The following TMEM82 variants were observed in gnomAD, a reference collection of about 807,000 sequenced individuals.
The protein encoded by TMEM82 is transmembrane protein 82.
TMEM82 carries 30 observed loss-of-function variants against 29.2 expected under a neutral mutation model. The ratio of observed to expected loss-of-function variants is 1.03; its 90% CI spans 0.77 to 1.39. TMEM82 has a LOEUF of 1.39. Among genes scored for constraint, TMEM82 ranks in the 40% most tolerant of loss-of-function variants. The pLI is 0.00. For missense variants in TMEM82, 442 were observed against 447.7 expected, an observed-to-expected ratio of 0.99 and a Z score of 0.12; for synonymous variants, 221 against 225.4, an observed-to-expected ratio of 0.98 and a Z score of 0.18.
chr1:15,747,668 C>A lies in TMEM82; in HGVS notation c.*36C>A. ...GGAGGATCTGGAGTCTGTCTCAAGC[C>A]CACTAGCCTGATCTCCGAGGCCTTG... is the stretch of plus-strand genomic sequence containing the variant. On this transcript the variant is annotated 3_prime_UTR_variant, in exon 6 of 6. Transcript: ENST00000375782. The A allele has an allele frequency of 6.3e-7, 1 of 1,578,638 alleles. No individual in the cohort carries two copies. Among genetic ancestry groups the A allele is most frequent in the Non-Finnish European group, 8.7e-7 (1 of 1,149,866 alleles).
intron 4 of TMEM82, among the ~76,000 whole-genome samples, chr1:15,745,118 C>G (rs912915608): frequency 2.6e-5 from 4 of 152,228 alleles, no homozygotes; most frequent in African/African-American, 9.6e-5. Flanking sequence ...ACGATCATGG[C>G]TCACCGCAGC....
intron 3 of TMEM82, 77 bp downstream of exon 3, chr1:15,743,271 A>T: frequency 6.9e-7 from 1 of 1,452,986 alleles, no homozygotes; most frequent in Non-Finnish European, 9.2e-7. Flanking sequence ...TGTGGGCAGC[A>T]GGGCCCAGGT....
intron 4 of TMEM82, among the ~76,000 whole-genome samples, chr1:15,745,525 AAGAG>A (rs1217869293): frequency 2.6e-5 from 3 of 114,460 alleles, no homozygotes; most frequent in African/African-American, 1.4e-4. Flanking sequence ...GAAAGAAAGA[AAGAG>A]AGAAAGAGAG....
chr1:15,743,955 ACT>A (rs2068313058), intron 3 of TMEM82, among the ~76,000 whole-genome samples: 1 of 151,370 alleles, frequency 6.6e-6, no homozygotes, highest in African/African-American at 2.4e-5. Context: ...ACAGAGCAAG[ACT>A]CTGTCTAAAA....
Position 15,747,749 on chromosome 1 carries a change from C to G in TMEM82, c.*117C>G. 1.1e-6 allele frequency: 1 copy of G among 887,452 alleles called. No individual in the cohort carries two copies. The highest frequency in any genetic ancestry group is 1.7e-6 in the Non-Finnish European group (1 of 588,550). The allele number at this position is 887,452 out of a possible 1,614,324, so 55.0% of individuals were successfully genotyped here. ...CAGAGCTGGCCTCCTGCCCAGAGCT[C>G]AGCACAGGCCCTGGGAGCCCCGAGA... On this transcript the variant is annotated 3_prime_UTR_variant, in exon 6 of 6. Transcript: ENST00000375782.
intron 4 of TMEM82, among the ~76,000 whole-genome samples, chr1:15,745,588 A>AGT (rs2068328953): frequency 6.6e-6 from 1 of 150,768 alleles, no homozygotes; most frequent in African/African-American, 2.4e-5. Flanking sequence ...AGAGAGAGAG[A>AGT]GAGAAAGAGA....
In TMEM82 at chr1:15,744,192, C is replaced by T; in HGVS notation, c.369C>T (p.Leu123=). 1.9e-6 allele frequency: 3 copies of T among 1,586,186 alleles called. No individual in the cohort carries two copies. The highest frequency in any genetic ancestry group is 2.6e-6 in the Non-Finnish European group (3 of 1,170,936). The change falls in exon 4 of 6, where the codon CTC becomes CTT. Residue 123 remains leucine (L), a synonymous_variant. Transcript: ENST00000375782. The surrounding 1 kb of genome is among the most constrained non-coding windows in gnomAD (Gnocchi z 5.2). The stretch of plus-strand genomic sequence containing the variant: ...AGGGTGCCGCCGAGAGGCTGCAGCT[C>T]TACCTGCTGTGCCAGTACTCGCTGG... ...GSQGAAERLQ[L]YLLCQYSLGC...
chr1:15,742,510 C>T lies in TMEM82; in HGVS notation c.-50C>T. 7.0e-7 allele frequency: 1 copy of T among 1,432,634 alleles called. No individual in the cohort carries two copies. Among genetic ancestry groups the T allele is most frequent in the Non-Finnish European group, 9.3e-7 (1 of 1,070,052 alleles). The allele number at this position is 1,432,634 out of a possible 1,614,324, so 88.7% of individuals were successfully genotyped here. A position where few individuals can be genotyped will look rare whatever the true frequency, so the allele number is the denominator to read the frequency against. On this transcript the variant is annotated 5_prime_UTR_variant, in exon 1 of 6. Coordinates refer to ENST00000375782, the MANE Select transcript of TMEM82 (RefSeq NM_001013641.3). ...GACACCTTTGCCCAGTGACGTTGGT[C>T]TGTCCTTACGCAGACCTGGCCGGAG... is the stretch of plus-strand genomic sequence containing the variant.
In TMEM82 at chr1:15,742,811, G is replaced by T. The variant is rs552584269; in HGVS notation, c.89-24G>T. ...TCCTAACACCCCTGCACGCTGCCTC[G>T]CTGCCTCCCTCCCGCCCCCTCAGGC... On this transcript the variant is annotated intron_variant, in intron 1 of 5. Transcript: ENST00000375782. 3 of 1,606,572 alleles carry T rather than the reference G, an allele frequency of 1.9e-6. No individual in the cohort carries two copies. In the Admixed American group the frequency reaches 5.0e-5, roughly 27 times the overall value.
intron 3 of TMEM82, among the ~76,000 whole-genome samples, chr1:15,743,435 C>T (rs1557672020): frequency 6.6e-6 from 1 of 152,240 alleles, no homozygotes; most frequent in Non-Finnish European, 1.5e-5. Context: ...TAGATCCGGC[C>T]CCCCAAATGC....
chr1:15,743,811 A>G (rs1030122571), intron 3 of TMEM82, among the ~76,000 whole-genome samples: 1 of 151,890 alleles, frequency 6.6e-6, no homozygotes, highest in Non-Finnish European at 1.5e-5. Flanking sequence ...AAACAAACAA[A>G]AAAATTAGCT....
In TMEM82 at chr1:15,744,066, C is replaced by A; in HGVS notation, c.337-94C>A. The A allele has an allele frequency of 1.5e-6, 2 of 1,338,658 alleles. No individual in the cohort carries two copies. The highest frequency in any genetic ancestry group is 2.0e-6 in the Non-Finnish European group (2 of 1,012,832). The allele number at this position is 1,338,658 out of a possible 1,614,324, so 82.9% of individuals were successfully genotyped here. On this transcript the variant is annotated intron_variant, in intron 3 of 5. Coordinates refer to ENST00000375782, the MANE Select transcript of TMEM82 (RefSeq NM_001013641.3). The surrounding 1 kb of genome is among the most constrained non-coding windows in gnomAD (Gnocchi z 5.2). Reference sequence around the variant, plus strand: ...CGATGTGGCCCCTTCGGGAACCATCCCCAAGGTCCCTTCAGGCTCCGGCTT... The same window carrying A: ...CGATGTGGCCCCTTCGGGAACCATCACCAAGGTCCCTTCAGGCTCCGGCTT...
chr1:15,743,954 G>A (rs11581558), intron 3 of TMEM82, among the ~76,000 whole-genome samples: 7,934 of 151,686 alleles, frequency 0.052, 563 homozygotes, highest in African/African-American at 0.16. Context: ...GACAGAGCAA[G>A]ACTCTGTCTA....
intron 4 of TMEM82, among the ~76,000 whole-genome samples, chr1:15,745,198 C>T (rs1458472427): frequency 6.6e-6 from 1 of 152,166 alleles, no homozygotes; most frequent in Non-Finnish European, 1.5e-5. Flanking sequence ...AGGCACACAC[C>T]ACTATGCCAG....
Position 15,744,922 on chromosome 1 carries a change from C to T in TMEM82, c.757+342C>T, listed in dbSNP as rs772147852. On this transcript the variant is annotated intron_variant, in intron 4 of 5. Transcript: ENST00000375782. This position sits in a 1 kb window ranked among gnomAD's most constrained non-coding sequence, Gnocchi z 5.2. ...ACAGGAGTCCAGTGTGGCTGTCACC[C>T]CAAGGGCACAGGGAAGGGGTGAGGC... is the stretch of plus-strand genomic sequence containing the variant. 7.9e-5 allele frequency among the ~76,000 whole-genome samples: 12 copies of T among 152,328 alleles called. No individual in the cohort carries two copies. Among genetic ancestry groups the T allele is most frequent in the Middle Eastern group, 3.4e-3 (1 of 294 alleles).
In TMEM82 at chr1:15,744,411, T is replaced by C. The variant is rs770113993; in HGVS notation, c.588T>C (p.His196=). 18 of 1,584,848 alleles carry C rather than the reference T, an allele frequency of 1.1e-5. No individual in the cohort carries two copies. The highest frequency in any genetic ancestry group is 1.5e-5 in the Non-Finnish European group (18 of 1,166,684). The change falls in exon 4 of 6, where the codon CAT becomes CAC. Residue 196 remains histidine, a synonymous_variant. Transcript: ENST00000375782. The surrounding 1 kb of genome is among the most constrained non-coding windows in gnomAD (Gnocchi z 5.2). The part of the protein sequence containing the change: ...YCGVCLGLLA[H]AHGLPQLLGR... ...GGGTGTGCCTGGGCCTGCTGGCCCATGCACATGGCCTCCCCCAGCTGCTGG... is the reference window on the plus strand; with the variant it reads ...GGGTGTGCCTGGGCCTGCTGGCCCACGCACATGGCCTCCCCCAGCTGCTGG...
At position 15,742,846 on chromosome 1, in the gene TMEM82, G is replaced by A; in HGVS notation, c.100G>A (p.Ala34Thr). 1 of 1,612,718 alleles carries A rather than the reference G, an allele frequency of 6.2e-7. No homozygotes were observed. Among genetic ancestry groups the A allele is most frequent in the Non-Finnish European group, 8.5e-7 (1 of 1,179,904 alleles). Residue 34 changes from alanine (A) to threonine (T), a missense_variant, in exon 2 of 6, where the codon GCC (alanine) becomes ACC (threonine). Transcript: ENST00000375782. Reference sequence around the variant, plus strand: ...TCCCGCCCCCTCAGGCCTGATCGGGGCCCTTGGAGTCTTGGTCCTGAACAG... The same window carrying A: ...TCCCGCCCCCTCAGGCCTGATCGGGACCCTTGGAGTCTTGGTCCTGAACAG... ...LDSLLQGLIG[A>T]LGVLVLNSLL...
Position 15,747,549 on chromosome 1 carries a change from T to G in TMEM82, c.949T>G (p.Phe317Val). ...CATTCTCAACGCTTTTCCTCAGGATTTTCCATCCCAGAGGCCTCCAGTGTC... is the reference window on the plus strand; with the variant it reads ...CATTCTCAACGCTTTTCCTCAGGATGTTCCATCCCAGAGGCCTCCAGTGTC... ...TLLDLCQIQD[F>V]PSQRPPVSTP... The change falls in exon 6 of 6, where the codon TTT (phenylalanine) becomes GTT (valine). Residue 317 changes from phenylalanine (F) to valine (V), a missense_variant. By Grantham distance (50) the Phe-to-Val change is conservative. Transcript: ENST00000375782. 1 of 1,613,826 alleles carries G rather than the reference T, an allele frequency of 6.2e-7. No homozygotes were observed. Among genetic ancestry groups the G allele is most frequent in the Non-Finnish European group, 8.5e-7 (1 of 1,179,862 alleles).
Position 15,744,366 on chromosome 1 carries a change from C to T in TMEM82, c.543C>T (p.His181=). 6.4e-7 allele frequency: 1 copy of T among 1,555,578 alleles called. No individual in the cohort carries two copies. Among genetic ancestry groups the T allele is most frequent in the Non-Finnish European group, 8.7e-7 (1 of 1,153,020 alleles). The part of the protein sequence containing the change: ...HRHVCRLYEL[H]SSQRYCGVCL... ...ACGTCTGCCGCCTCTACGAGCTGCA[C>T]AGCAGCCAGCGCTACTGTGGGGTGT... The change falls in exon 4 of 6, where the codon CAC becomes CAT. Residue 181 remains histidine (H), a synonymous_variant. Transcript: ENST00000375782. This position sits in a 1 kb window ranked among gnomAD's most constrained non-coding sequence, Gnocchi z 5.2.
Sources: gnomAD v4.1 joint callset for allele counts (sites outside exome capture counted in the v4.1 genomes callset) on GRCh38, gnomAD v4.1.1 for gene constraint, Gnocchi (gnomAD v3.1) non-coding constraint, MANE v1.5 for transcripts, NCBI Gene and HGNC (gene_info 2026-07-23, HGNC 2026-07-21) for gene names.